Variants in NKAIN3 observed in about 807,000 individuals in gnomAD.
NKAIN3 encodes the protein sodium/potassium transporting ATPase interacting 3, also known as sodium/potassium-transporting ATPase subunit beta-1-interacting protein 3.
NKAIN3 carries 25 observed loss-of-function variants against 30.2 expected under a neutral mutation model. The ratio of observed to expected loss-of-function variants is 0.83; its 90% CI spans 0.60 to 1.16. The LOEUF (loss-of-function observed/expected upper bound fraction) is 1.16. Among genes scored for constraint, NKAIN3 ranks in the 50% most tolerant of loss-of-function variants. The pLI, the probability that NKAIN3 is intolerant of heterozygous loss-of-function variation, is 0.00. For synonymous variants in NKAIN3, 91 were observed against 89.6 expected, an observed-to-expected ratio of 1.02 and a Z score of -0.09; for missense variants, 225 against 254.1, an observed-to-expected ratio of 0.89 and a Z score of 0.78.
intron 1 of NKAIN3, among the ~76,000 whole-genome samples, chr8:62,296,865 C>T (rs575375772): frequency 1.3e-5 from 2 of 152,190 alleles, no homozygotes; most frequent in Middle Eastern, 3.4e-3. Context: ...CTCCTCCTCC[C>T]TCTCATGCTT....
intron 1 of NKAIN3, among the ~76,000 whole-genome samples, chr8:62,352,761 G>T (rs1816223427): frequency 6.6e-6 from 1 of 152,150 alleles, no homozygotes; most frequent in African/African-American, 2.4e-5. Context: ...AATTACAGGT[G>T]AGCATGCGTG....
intron 1 of NKAIN3, among the ~76,000 whole-genome samples, chr8:62,332,728 C>G (rs1815395378): frequency 1.3e-5 from 2 of 152,166 alleles, no homozygotes. Flanking sequence ...TTATTTGTTT[C>G]TAAGAAGTTT....
intron 1 of NKAIN3, among the ~76,000 whole-genome samples, chr8:62,558,386 T>G (rs754324206): frequency 3.9e-5 from 6 of 152,174 alleles, no homozygotes; most frequent in African/African-American, 9.6e-5. Context: ...GCTTTGTCTG[T>G]GAGGGCTCTT....
intron 4 of NKAIN3, among the ~76,000 whole-genome samples, chr8:62,761,971 T>C (rs1816680947): frequency 6.6e-6 from 1 of 152,160 alleles, no homozygotes; most frequent in African/African-American, 2.4e-5. Flanking sequence ...TTGTAAATAA[T>C]CAAATTAGTT....
At chr8:62,590,302 G>A (rs1203762069) in intron 3 of NKAIN3, among the ~76,000 whole-genome samples, 1 of 151,784 alleles carries the variant, frequency 6.6e-6, no homozygotes, top group Admixed American at 6.6e-5. Flanking sequence ...CATCAGCGTG[G>A]TGATTCCTAT....
rs116914138 is a variant in NKAIN3 at position 62,405,484 on chromosome 8, C to T, written c.54+156357C>T. Among the ~76,000 whole-genome samples the T allele has an allele frequency of 1.6e-3, 244 of 152,346 alleles. 7 individuals are homozygous for T. The East Asian group carries it at 0.042, about 26-fold the overall frequency. On this transcript the variant is annotated intron_variant, in intron 1 of 6. Coordinates refer to ENST00000623646, the MANE Select transcript of NKAIN3 (RefSeq NM_001304533.3). ...CCTCTAGCTAGGGCTGGCATAATTGCTCCCTCTGCAGATGCTGGCTGAGTT... is the reference window on the plus strand; with the variant it reads ...CCTCTAGCTAGGGCTGGCATAATTGTTCCCTCTGCAGATGCTGGCTGAGTT...
At chr8:62,667,230 T>A (rs921636693) in intron 3 of NKAIN3, among the ~76,000 whole-genome samples, 1 of 150,312 alleles carries the variant, frequency 6.7e-6, no homozygotes, top group Non-Finnish European at 1.5e-5. Context: ...CACACCAACA[T>A]GGCACATGTA....
At chr8:62,863,751 A>C (rs1820331186) in intron 4 of NKAIN3, 3 of 1,604,182 alleles carry the variant, frequency 1.9e-6, no homozygotes, top group Admixed American at 3.3e-5. Context: ...CTTTTCCCCT[A>C]CATATCCCAG....
intron 4 of NKAIN3, among the ~76,000 whole-genome samples, chr8:62,749,687 T>TTC (rs1312196018): frequency 1.4e-5 from 2 of 146,496 alleles, no homozygotes; most frequent in Non-Finnish European, 3.0e-5. Context: ...TTCTTTTTTT[T>TTC]TTTTTTTTTT....
chr8:62,368,854 G>A (rs925354683), intron 1 of NKAIN3, among the ~76,000 whole-genome samples: 2 of 149,420 alleles, frequency 1.3e-5, no homozygotes, highest in Non-Finnish European at 3.0e-5. Flanking sequence ...GAATATGCAC[G>A]TGGCTTACTA....
intron 3 of NKAIN3, among the ~76,000 whole-genome samples, chr8:62,666,362 A>G (rs1342621674): frequency 1.3e-5 from 2 of 152,186 alleles, no homozygotes; most frequent in African/African-American, 4.8e-5. Context: ...TTGATCAACC[A>G]TGCCAAAGTA....
At chr8:62,514,737 C>A (rs1807928078) in intron 1 of NKAIN3, among the ~76,000 whole-genome samples, 1 of 152,084 alleles carries the variant, frequency 6.6e-6, no homozygotes, top group Non-Finnish European at 1.5e-5. Flanking sequence ...TGTTAATACA[C>A]CTAAAAGCAA....
intron 6 of NKAIN3, among the ~76,000 whole-genome samples, 199 bp from the exon 7 acceptor site, chr8:62,965,155 T>G (rs781094033): frequency 5.3e-5 from 8 of 152,132 alleles, no homozygotes; most frequent in Admixed American, 2.0e-4. Flanking sequence ...CATCCTGAAC[T>G]CTGATGATGA....
chr8:62,922,735 C>T (rs1379611062), intron 5 of NKAIN3, among the ~76,000 whole-genome samples: 1 of 150,358 alleles, frequency 6.7e-6, no homozygotes, highest in South Asian at 2.1e-4. Flanking sequence ...CTGATTCTCA[C>T]AGTGCATATA....
At chr8:62,575,591 C>T (rs538813250) in intron 1 of NKAIN3, among the ~76,000 whole-genome samples, 20 of 152,200 alleles carry the variant, frequency 1.3e-4, no homozygotes, top group African/African-American at 4.8e-4. Context: ...CAATGACATG[C>T]TTCACAGAAA....
At chr8:62,347,024 T>C (rs942699951) in intron 1 of NKAIN3, among the ~76,000 whole-genome samples, 7 of 152,120 alleles carry the variant, frequency 4.6e-5, no homozygotes, top group African/African-American at 7.2e-5. Context: ...GTGGCATACA[T>C]GTCTGAAGAG....
intron 1 of NKAIN3, among the ~76,000 whole-genome samples, chr8:62,376,963 A>T (rs890577691): frequency 6.6e-6 from 1 of 152,142 alleles, no homozygotes; most frequent in Non-Finnish European, 1.5e-5. Context: ...TATAACACAA[A>T]ATAACCCTGT....
At chr8:62,527,918 A>T (rs1194451464) in intron 1 of NKAIN3, among the ~76,000 whole-genome samples, 1 of 99,898 alleles carries the variant, frequency 1.0e-5, no homozygotes, top group South Asian at 3.2e-4. Context: ...TGTGTGTGTG[A>T]CAGAGAGACA....
chr8:62,427,094 T>G (rs1464046146), intron 1 of NKAIN3, among the ~76,000 whole-genome samples: 4 of 152,176 alleles, frequency 2.6e-5, no homozygotes, highest in South Asian at 4.1e-4. Flanking sequence ...AGATGGCCAA[T>G]GGGCCCATTT....
Sources: allele counts gnomAD v4.1 joint callset (sites outside exome capture counted in the v4.1 genomes callset), GRCh38; gene constraint gnomAD v4.1.1; transcripts MANE v1.5; gene names NCBI Gene and HGNC (gene_info 2026-07-23, HGNC 2026-07-21).